Variants in SLC13A5 observed in about 807,000 individuals in gnomAD.
The protein encoded by SLC13A5 is Na(+)/citrate cotransporter.
Under a neutral mutation model 56.5 loss-of-function variants are expected in SLC13A5, and 25 were observed. The ratio of observed to expected loss-of-function variants is 0.44; its 90% CI spans 0.32 to 0.62. The LOEUF is 0.62. Among genes scored for constraint, SLC13A5 ranks in the 20% least tolerant of loss-of-function variants. SLC13A5 has a pLI of 0.04. For synonymous variants in SLC13A5, 307 were observed against 301.5 expected (o/e 1.02, Z -0.19); for missense variants, 649 against 737.8 (o/e 0.88, Z 1.39).
chr17:6,692,163 GGATA>G lies in SLC13A5; in HGVS notation c.1275+877_1275+880del, dbSNP rs767862609. Among the ~76,000 whole-genome samples, 4 of 150,388 alleles carry G rather than the reference GGATA, an allele frequency of 2.7e-5. No individual in the cohort carries two copies. In the East Asian group the frequency reaches 5.9e-4, roughly 22 times the overall value. On this transcript the variant is annotated intron_variant, in intron 9 of 11. Transcript: ENST00000433363. This position sits in a 1 kb window ranked among gnomAD's most constrained non-coding sequence, Gnocchi z 5.5. ...TGGATGGATGGATGGATGGATGGAT[GGATA>G]GATGGGTGGATGGATGGATGGATAG... is the stretch of plus-strand genomic sequence containing the variant.
chr17:6,706,902 T>G, intron 2 of SLC13A5, 124 bp from the exon 3 acceptor site: 1 of 1,557,310 alleles, frequency 6.4e-7, no homozygotes, highest in Non-Finnish European at 8.7e-7. Flanking sequence ...GGTGTCTCCC[T>G]GCCAGGGAGA....
intron 6 of SLC13A5, among the ~76,000 whole-genome samples, chr17:6,699,444 A>T (rs1249854705): frequency 6.6e-6 from 1 of 152,108 alleles, no homozygotes; most frequent in Non-Finnish European, 1.5e-5. Flanking sequence ...TACTATCATT[A>T]TTATGATTGT....
intron 4 of SLC13A5, 127 bp downstream of exon 4, chr17:6,703,751 T>C: frequency 1.1e-6 from 1 of 930,960 alleles, no homozygotes; most frequent in Admixed American, 3.0e-5. Flanking sequence ...TATTTTTTTT[T>C]CTCTATGCGT....
rs1295906896 is a variant in SLC13A5 at position 6,701,101 on chromosome 17, C to T, written c.742G>A (p.Val248Met). ...NELFPDSKDLVNFASWFAFAF... is the reference protein window; with the variant it reads ...NELFPDSKDLMNFASWFAFAF... ...AATGCAAACCAGGAAGCAAAGTTCA[C>T]GAGGTCCTTGCTGTCAGGAAACAAC... is the stretch of plus-strand genomic sequence containing the variant. Residue 248 changes from valine (V) to methionine (M), a missense_variant, in exon 6 of 12, where the codon GTG becomes ATG. Transcript: ENST00000433363. The surrounding 1 kb of genome is among the most constrained non-coding windows in gnomAD (Gnocchi z 4.1). 3 of 1,614,000 alleles carry T rather than the reference C, an allele frequency of 1.9e-6. No individual in the cohort carries two copies. The highest frequency in any genetic ancestry group is 2.2e-5 in the East Asian group (1 of 44,898).
At chr17:6,695,242 G>T (rs1973527061) in intron 7 of SLC13A5, among the ~76,000 whole-genome samples, 1 of 152,288 alleles carries the variant, frequency 6.6e-6, no homozygotes, top group Admixed American at 6.5e-5. Context: ...ACAAAAATGA[G>T]TCATGAAACC....
In SLC13A5 at chr17:6,687,050, T is replaced by C. The variant is rs1237204062; in HGVS notation, c.1575+479A>G. The C allele has an allele frequency of 5.8e-6, 1 of 171,310 alleles. No homozygotes were observed. The highest frequency in any genetic ancestry group is 1.9e-4 in the East Asian group (1 of 5,308). The allele number at this position is 171,310 out of a possible 1,614,324, so 10.6% of individuals were successfully genotyped here. On this transcript the variant is annotated intron_variant, in intron 11 of 11. Transcript: ENST00000433363. This position sits in a 1 kb window ranked among gnomAD's most constrained non-coding sequence, Gnocchi z 5.0. ...ATGAAGAGTTCTTCCTCTGACTACA[T>C]TTGTTTCCAAGGCATCATCTACTCC...
At chr17:6,709,570 C>G (rs1185698299) in intron 1 of SLC13A5, among the ~76,000 whole-genome samples, 2 of 152,104 alleles carry the variant, frequency 1.3e-5, no homozygotes, top group Non-Finnish European at 2.9e-5. Context: ...GCCCGGCCAT[C>G]TTTGCAAATG....
At position 6,713,159 on chromosome 17, in the gene SLC13A5, C is replaced by G; in HGVS notation, c.102+73G>C. On this transcript the variant is annotated intron_variant, in intron 1 of 11. Coordinates refer to ENST00000433363, the MANE Select transcript of SLC13A5 (RefSeq NM_177550.5). The surrounding 1 kb of genome is among the most constrained non-coding windows in gnomAD (Gnocchi z 7.3). ...GAAATCCGTGCGCTCCAGCTCAGGG[C>G]TCCCGGGATCGGTGCCCGTTAGTGG... is the stretch of plus-strand genomic sequence containing the variant. 6.8e-7 allele frequency: 1 copy of G among 1,479,502 alleles called. No homozygotes were observed. The highest frequency in any genetic ancestry group is 9.3e-7 in the Non-Finnish European group (1 of 1,074,068). The allele number at this position is 1,479,502 out of a possible 1,614,324, so 91.6% of individuals were successfully genotyped here.
chr17:6,696,016 T>G, intron 6 of SLC13A5, 75 bp from the exon 7 acceptor site: 1 of 1,373,848 alleles, frequency 7.3e-7, no homozygotes. Flanking sequence ...AGCCTAAATG[T>G]TCTACAGCAG....
intron 6 of SLC13A5, 79 bp from the exon 7 acceptor site, chr17:6,696,020 A>G: frequency 2.2e-6 from 3 of 1,346,418 alleles, no homozygotes; most frequent in Non-Finnish European, 3.1e-6. Flanking sequence ...TAAATGTTCT[A>G]CAGCAGAATG....
At position 6,713,006 on chromosome 17, in the gene SLC13A5, G is replaced by A. The variant is rs1974080300; in HGVS notation, c.102+226C>T. On this transcript the variant is annotated intron_variant, in intron 1 of 11. Coordinates refer to ENST00000433363, the MANE Select transcript of SLC13A5 (RefSeq NM_177550.5). The surrounding 1 kb of genome is among the most constrained non-coding windows in gnomAD (Gnocchi z 7.3). ...CTTGCCTGGACGGCTCTTGCGCCCT[G>A]GGATCTGTAAACCCCAAGGGTGGTG... 6.6e-6 allele frequency among the ~76,000 whole-genome samples: 1 copy of A among 152,168 alleles called. No homozygotes were observed.
At chr17:6,707,380 T>C (rs1292678750) in intron 1 of SLC13A5, among the ~76,000 whole-genome samples, 2 of 151,982 alleles carry the variant, frequency 1.3e-5, no homozygotes, top group East Asian at 3.9e-4. Flanking sequence ...CCCTCCTCCC[T>C]GCCTCCCTCC....
rs749609722 is a variant in SLC13A5 at position 6,706,914 on chromosome 17, T to C, written c.231+114A>G. 3 of 1,555,048 alleles carry C rather than the reference T, an allele frequency of 1.9e-6. No individual in the cohort carries two copies. The African/African-American group carries it at 4.1e-5, about 21-fold the overall frequency. Reference sequence around the variant, plus strand: ...AGTGGTGTCTCCCTGCCAGGGAGAATCCACAAATGAGGGTTTTCCGGTCAC... The same window carrying C: ...AGTGGTGTCTCCCTGCCAGGGAGAACCCACAAATGAGGGTTTTCCGGTCAC... On this transcript the variant is annotated intron_variant, in intron 2 of 11. Coordinates refer to ENST00000433363, the MANE Select transcript of SLC13A5 (RefSeq NM_177550.5).
At position 6,695,911 on chromosome 17, in the gene SLC13A5, C is replaced by T; in HGVS notation, c.870G>A (p.Glu290=). ...NFKKSWGCGL[E]SKKNEKAALK... ...GGGCAGCCTTCTCGTTTTTCTTGCT[C>T]TCTAGCCCGCAGCCCCAGGACTTTT... The change falls in exon 7 of 12, where the codon GAG becomes GAA. Residue 290 remains glutamate, a synonymous_variant. Transcript: ENST00000433363. 1 of 1,614,090 alleles carries T rather than the reference C, an allele frequency of 6.2e-7. No homozygotes were observed. Among genetic ancestry groups the T allele is most frequent in the Non-Finnish European group, 8.5e-7 (1 of 1,180,036 alleles).
At position 6,695,752 on chromosome 17, in the gene SLC13A5, A is replaced by G; in HGVS notation, c.1029T>C (p.Thr343=). Residue 343 remains threonine, a synonymous_variant, in exon 7 of 12, where the codon ACT becomes ACC. Transcript: ENST00000433363. ...RDPGFMPGWL[T]VAWVEGETKY... is the part of the protein sequence containing the mutation. ...TTGTCTCACCCTCCACCCAGGCAAC[A>G]GTCAGCCAGCCGGGCATGAAGCCGG... is the stretch of plus-strand genomic sequence containing the variant. 2 of 1,614,198 alleles carry G rather than the reference A, an allele frequency of 1.2e-6. No individual in the cohort carries two copies. The highest frequency in any genetic ancestry group is 1.7e-6 in the Non-Finnish European group (2 of 1,180,032).
chr17:6,709,033 C>T (rs575062543), intron 1 of SLC13A5, among the ~76,000 whole-genome samples: 2 of 145,366 alleles, frequency 1.4e-5, no homozygotes, highest in Admixed American at 7.0e-5. Flanking sequence ...CTCTGTTGCC[C>T]AGGTGGGAGT....
At position 6,687,558 on chromosome 17, in the gene SLC13A5, T is replaced by G; in HGVS notation, c.1546A>C (p.Thr516Pro). 1 of 1,613,646 alleles carries G rather than the reference T, an allele frequency of 6.2e-7. No individual in the cohort carries two copies. The highest frequency in any genetic ancestry group is 8.5e-7 in the Non-Finnish European group (1 of 1,179,894). ...VATPPNAIVF[T>P]YGHLKVADMV... Reference sequence around the variant, plus strand: ...TCAGCAACCTTGAGGTGCCCATAGGTGAACACGATGGCATTTGGAGGGGTG... The same window carrying G: ...TCAGCAACCTTGAGGTGCCCATAGGGGAACACGATGGCATTTGGAGGGGTG... Residue 516 changes from threonine (T) to proline (P), a missense_variant, in exon 11 of 12, where the codon ACC becomes CCC. Coordinates refer to ENST00000433363, the MANE Select transcript of SLC13A5 (RefSeq NM_177550.5). This position sits in a 1 kb window ranked among gnomAD's most constrained non-coding sequence, Gnocchi z 5.0.
rs774837322 is a variant in SLC13A5 at position 6,686,322 on chromosome 17, A to T, written c.1592T>A (p.Ile531Lys). The T allele has an allele frequency of 2.5e-6, 4 of 1,614,116 alleles. No individual in the cohort carries two copies. The highest frequency in any genetic ancestry group is 3.4e-6 in the Non-Finnish European group (4 of 1,180,000). The change falls in exon 12 of 12, where the codon ATA becomes AAA. Residue 531 changes from isoleucine to lysine, a missense_variant. Transcript: ENST00000433363. ...KVADMVKTGV[I>K]MNIIGVFCVF... The stretch of plus-strand genomic sequence containing the variant: ...ACAGAAGACTCCAATTATGTTCATT[A>T]TGACTCCTGTTTTCACCTGGAAAAG...
chr17:6,694,054 G>T, intron 8 of SLC13A5, 43 bp downstream of exon 8: 2 of 1,381,714 alleles, frequency 1.4e-6, no homozygotes, highest in Non-Finnish European at 2.0e-6. Flanking sequence ...TTGGTTCCAG[G>T]GCTCCAGTCC....
Sources: gnomAD v4.1 joint callset for allele counts (sites outside exome capture counted in the v4.1 genomes callset) on GRCh38, gnomAD v4.1.1 for gene constraint, Gnocchi (gnomAD v3.1) non-coding constraint, MANE v1.5 for transcripts, NCBI Gene and HGNC (gene_info 2026-07-23, HGNC 2026-07-21) for gene names.